The following PABIR3 variants were observed in gnomAD, a reference collection of about 807,000 sequenced individuals.
PABIR3 encodes PABIR family member 1.
PABIR3 carries 20 observed loss-of-function variants against 23.1 expected under a neutral mutation model. The ratio of observed to expected loss-of-function variants is 0.86; its 90% CI spans 0.61 to 1.26. The LOEUF (loss-of-function observed/expected upper bound fraction) is 1.26. Among genes scored for constraint, PABIR3 ranks in the 50% most tolerant of loss-of-function variants. PABIR3 has a pLI of 0.00. For synonymous variants in PABIR3, 69 were observed against 68.5 expected (o/e 1.01, Z -0.04); for missense variants, 189 against 195.4 (o/e 0.97, Z 0.20).
At position 134,830,325 on chromosome X, in the gene PABIR3, C is replaced by CTTTTTT. The variant is rs766717674; in HGVS notation, c.246+1063_246+1068dup. Among the ~76,000 whole-genome samples the CTTTTTT allele has an allele frequency of 3.0e-4, 19 of 62,516 alleles. 1 individual carries two copies. Among genetic ancestry groups the CTTTTTT allele is most frequent in the African/African-American group, 5.7e-4 (8 of 14,021 alleles). The allele number at this position is 62,516 out of a possible 115,157, so 54.3% of individuals were successfully genotyped here. On this transcript the variant is annotated intron_variant, in intron 4 of 10. Transcript: ENST00000645433. The stretch of plus-strand genomic sequence containing the variant: ...AAGTATGGTAAAAATGGTTTTTTTC[C>CTTTTTT]TTTTTTTTTTTTTTTTTTTTTTTTT...
rs959818908 is a variant in PABIR3, at chrX:134,824,175, G to A, written c.190-5051G>A. The stretch of plus-strand genomic sequence containing the variant: ...GGTCAATCGAAAGAGCCTTCGTTAC[G>A]TGTATTTGAATTCCAGTTCTAGCAA... On this transcript the variant is annotated intron_variant, in intron 3 of 10. Transcript: ENST00000645433. Among the ~76,000 whole-genome samples the A allele has an allele frequency of 6.3e-5, 7 of 111,886 alleles. No individual in the cohort carries two copies. The Admixed American group carries it at 6.7e-4, about 11-fold the overall frequency.
At chrX:134,817,762 C>T (rs2081061220) in intron 3 of PABIR3, among the ~76,000 whole-genome samples, 1 of 110,648 alleles carries the variant, frequency 9.0e-6, no homozygotes, top group Non-Finnish European at 1.9e-5. Context: ...GCCTTCAAGT[C>T]ATGTTAAGTA....
chrX:134,829,154 A>G, intron 3 of PABIR3, 72 bp from the exon 4 acceptor site: 2 of 886,702 alleles, frequency 2.3e-6, no homozygotes, highest in Non-Finnish European at 1.7e-6. Flanking sequence ...GTAATTCAAC[A>G]TTGACTTAAT....
chrX:134,843,180 C>T (rs1272580457), intron 4 of PABIR3, among the ~76,000 whole-genome samples: 1 of 110,120 alleles, frequency 9.1e-6, no homozygotes, highest in Non-Finnish European at 1.9e-5. Context: ...GCCTGGCCAA[C>T]AGAGTGACAC....
the PABIR3 span, among the ~76,000 whole-genome samples, chrX:134,862,999 G>C: frequency 9.0e-5 from 10 of 110,663 alleles, no homozygotes; most frequent in African/African-American, 3.3e-4. Context: ...TTTTTTCTTT[G>C]AGATAGTTTC....
chrX:134,841,299 C>T (rs986116120), intron 4 of PABIR3, among the ~76,000 whole-genome samples: 1 of 110,961 alleles, frequency 9.0e-6, no homozygotes, highest in African/African-American at 3.3e-5. Flanking sequence ...CACCACTCTT[C>T]TATTATGGAC....
At chrX:134,861,274 C>CA in the PABIR3 span, among the ~76,000 whole-genome samples, 419 of 92,141 alleles carry the variant, frequency 4.5e-3, 2 homozygotes, top group African/African-American at 0.014. Context: ...GAACCTGTTT[C>CA]AAAAAAAAAA....
chrX:134,858,345 T>A (rs1422967073), downstream of PABIR3, among the ~76,000 whole-genome samples: 5 of 111,673 alleles, frequency 4.5e-5, no homozygotes, highest in East Asian at 1.4e-3. Flanking sequence ...CTCTTTAGAA[T>A]TGAGACAAAT....
In PABIR3 at chrX:134,827,958, A is replaced by G. The variant is rs187820395; in HGVS notation, c.190-1268A>G. On this transcript the variant is annotated intron_variant, in intron 3 of 10. Transcript: ENST00000645433. ...ACTAGACTTAGACTTTGACTTGCTC[A>G]AGGACAGGAAAATGTCTTATTTATC... 4.5e-3 allele frequency among the ~76,000 whole-genome samples: 480 copies of G among 106,203 alleles called. 1 individual carries two copies. The highest frequency in any genetic ancestry group is 0.014 in the African/African-American group (411 of 29,171). The allele number at this position is 106,203 out of a possible 115,157, so 92.2% of individuals were successfully genotyped here. A position where few individuals can be genotyped will look rare whatever the true frequency, so the allele number is the denominator to read the frequency against.
chrX:134,804,172 T>C, upstream of PABIR3: 2 of 1,135,574 alleles, frequency 1.8e-6, no homozygotes, highest in South Asian at 3.8e-5. Flanking sequence ...CAAGTCTAGA[T>C]CTAACAAAAG....
chrX:134,821,784 A>G, intron 3 of PABIR3: 1 of 892,431 alleles, frequency 1.1e-6, no homozygotes, highest in Non-Finnish European at 1.4e-6. Context: ...AGCATTATAA[A>G]CCATCTTAAA....
chrX:134,808,015 C>A, intron 2 of PABIR3: 1 of 302,452 alleles, frequency 3.3e-6, no homozygotes, highest in Non-Finnish European at 5.8e-6. Flanking sequence ...AACTTCAACC[C>A]ATTTCTTACC....
chrX:134,836,120 G>A (rs897199786), intron 4 of PABIR3, among the ~76,000 whole-genome samples: 6 of 112,091 alleles, frequency 5.4e-5, no homozygotes, highest in African/African-American at 1.9e-4. Context: ...TTACAGGCAT[G>A]AGCCACTACG....
chrX:134,837,807 C>T (rs2148295200), intron 4 of PABIR3, among the ~76,000 whole-genome samples: 1 of 112,155 alleles, frequency 8.9e-6, no homozygotes, highest in African/African-American at 3.2e-5. Flanking sequence ...CTCAGTTTCA[C>T]AAAACTACCT....
intron 3 of PABIR3, among the ~76,000 whole-genome samples, chrX:134,824,597 C>G (rs1256232210): frequency 9.0e-6 from 1 of 111,445 alleles, no homozygotes; most frequent in Non-Finnish European, 1.9e-5. Context: ...GCCAGGAGTT[C>G]GAGACCAGTC....
At chrX:134,826,956 G>A (rs772259142) in intron 3 of PABIR3, among the ~76,000 whole-genome samples, 2 of 111,341 alleles carry the variant, frequency 1.8e-5, no homozygotes, top group African/African-American at 3.3e-5. Flanking sequence ...TTTTATGTAT[G>A]TATTTATTTA....
chrX:134,841,784 G>A (rs1395395276), intron 4 of PABIR3, among the ~76,000 whole-genome samples: 2 of 110,383 alleles, frequency 1.8e-5, no homozygotes, highest in African/African-American at 6.6e-5. Context: ...AGCCGAGATC[G>A]TGTCACTGCT....
chrX:134,831,525 TG>T (rs1352457954), intron 4 of PABIR3: 1 of 111,782 alleles, frequency 8.9e-6, no homozygotes, highest in Non-Finnish European at 1.9e-5. Flanking sequence ...TTTTTCAAAA[TG>T]GGGGGAATAA....
intron 4 of PABIR3, chrX:134,838,888 G>C (rs2148303147): frequency 9.0e-6 from 1 of 111,692 alleles, no homozygotes; most frequent in Admixed American, 9.8e-5. Flanking sequence ...TGGAGACGGG[G>C]TTTCGCTGTG....
Sources: gnomAD v4.1 joint callset for allele counts (sites outside exome capture counted in the v4.1 genomes callset) on GRCh38, gnomAD v4.1.1 for gene constraint, MANE v1.5 for transcripts, NCBI Gene and HGNC (gene_info 2026-07-23, HGNC 2026-07-21) for gene names.